Variants in FIRRM observed in about 807,000 individuals in gnomAD.
The protein encoded by FIRRM is FIGNL1 interacting regulator of recombination and mitosis, also known as FIGNL1-interacting regulator of recombination and mitosis.
the FIRRM span, among the ~76,000 whole-genome samples, chr1:169,810,970 C>T: frequency 6.6e-6 from 1 of 151,128 alleles, no homozygotes; most frequent in Non-Finnish European, 1.5e-5. Context: ...CGCCATTCCC[C>T]TGCCTCAGCC....
At chr1:169,792,885 A>C in the FIRRM span, 3 of 1,614,012 alleles carry the variant, frequency 1.9e-6, no homozygotes, top group Non-Finnish European at 2.5e-6. Context: ...CAAAACTCAG[A>C]CCACTCACCA....
At chr1:169,800,722 T>C in the FIRRM span, among the ~76,000 whole-genome samples, 1 of 151,414 alleles carries the variant, frequency 6.6e-6, no homozygotes, top group Non-Finnish European at 1.5e-5. Flanking sequence ...TCTCTTTTTT[T>C]TTTTTTTTGG....
chr1:169,796,246 C>T, the FIRRM span, among the ~76,000 whole-genome samples: 3 of 152,170 alleles, frequency 2.0e-5, no homozygotes, highest in Non-Finnish European at 4.4e-5. Context: ...AACAAATAGC[C>T]ACCCTCAAAA....
chr1:169,847,558 GGTGT>G, the FIRRM span: 1 of 626,108 alleles, frequency 1.6e-6, no homozygotes, highest in Non-Finnish European at 2.9e-6. Flanking sequence ...CAGGGGCTGT[GGTGT>G]GTTTGTTTTT....
the FIRRM span, among the ~76,000 whole-genome samples, chr1:169,825,357 C>T: frequency 0.11 from 16,062 of 152,068 alleles, 1,026 homozygotes; most frequent in Admixed American, 0.18. Flanking sequence ...TTGAATTAAC[C>T]TCTGCTATAT....
chr1:169,832,790 T>C, the FIRRM span, among the ~76,000 whole-genome samples: 1 of 151,978 alleles, frequency 6.6e-6, no homozygotes, highest in Non-Finnish European at 1.5e-5. Flanking sequence ...AAATTACTTG[T>C]AGAGACTGGG....
At chr1:169,830,244 T>C in the FIRRM span, 1 of 1,592,734 alleles carries the variant, frequency 6.3e-7, no homozygotes, top group Non-Finnish European at 8.6e-7. Context: ...AATTAATTTT[T>C]CTGTTTTTGA....
chr1:169,832,425 A>G, the FIRRM span: 3 of 1,611,914 alleles, frequency 1.9e-6, no homozygotes, highest in Non-Finnish European at 2.5e-6. Flanking sequence ...AGATAAAGTC[A>G]TGCCCTGGAG....
the FIRRM span, chr1:169,807,696 T>C: frequency 8.7e-7 from 1 of 1,152,594 alleles, no homozygotes; most frequent in African/African-American, 1.6e-5. Context: ...TTGATTGTTT[T>C]TTTAAATGTT....
the FIRRM span, chr1:169,853,724 T>TATC: frequency 6.2e-7 from 1 of 1,613,788 alleles, no homozygotes; most frequent in African/African-American, 1.3e-5. Flanking sequence ...CACCAGTTAT[T>TATC]ATCTTCCCAG....
At chr1:169,798,348 A>G in the FIRRM span, among the ~76,000 whole-genome samples, 1 of 151,360 alleles carries the variant, frequency 6.6e-6, no homozygotes, top group Non-Finnish European at 1.5e-5. Flanking sequence ...GCTCACTGCA[A>G]CCTCTGCCTC....
the FIRRM span, chr1:169,842,589 A>G: frequency 1.3e-6 from 2 of 1,594,176 alleles, no homozygotes; most frequent in Non-Finnish European, 1.7e-6. Context: ...AAAATATCAA[A>G]AAAAGAGGAT....
the FIRRM span, among the ~76,000 whole-genome samples, chr1:169,790,130 G>A: frequency 6.6e-6 from 1 of 151,966 alleles, no homozygotes; most frequent in Non-Finnish European, 1.5e-5. Context: ...AGCTATCTTG[G>A]GTAGGTGTGT....
Sources: gnomAD v4.1 joint callset for allele counts (sites outside exome capture counted in the v4.1 genomes callset) on GRCh38, gnomAD v4.1.1 for gene constraint, MANE v1.5 for transcripts, NCBI Gene and HGNC (gene_info 2026-07-23, HGNC 2026-07-21) for gene names.